The following DLC1 variants were observed in gnomAD, a reference collection of about 807,000 sequenced individuals.
The protein encoded by DLC1 is DLC1 Rho GTPase activating protein.
DLC1 carries 54 observed loss-of-function variants against 140.3 expected under a neutral mutation model. The ratio of observed to expected loss-of-function variants is 0.38; its 90% CI spans 0.31 to 0.48. The LOEUF (loss-of-function observed/expected upper bound fraction) is 0.48, where lower values mean the gene tolerates loss of function less well. DLC1 is among the 20% of genes least tolerant of loss of function. The pLI, the probability that DLC1 is intolerant of heterozygous loss-of-function variation, is 0.96. For synonymous variants in DLC1, 986 were observed against 728.1 expected, an observed-to-expected ratio of 1.35 and a Z score of -5.70; for missense variants, 2,536 against 1,907.0, an observed-to-expected ratio of 1.33 and a Z score of -6.14.
chr8:13,357,370 A>T (rs1040804852), intron 4 of DLC1, among the ~76,000 whole-genome samples: 4 of 152,226 alleles, frequency 2.6e-5, no homozygotes, highest in African/African-American at 7.2e-5. Flanking sequence ...AAACTGTTTT[A>T]TATGTCTTTG....
At chr8:13,597,246 C>T (rs528896323) in intron 1 of DLC1, among the ~76,000 whole-genome samples, 2 of 151,992 alleles carry the variant, frequency 1.3e-5, no homozygotes, top group African/African-American at 2.4e-5. Context: ...GATTTGTCAG[C>T]TTATATCTCA....
intron 1 of DLC1, among the ~76,000 whole-genome samples, chr8:13,569,027 G>T (rs1353797709): frequency 6.6e-6 from 1 of 152,186 alleles, no homozygotes. Context: ...CATTTTGGTC[G>T]TGAAGATTTT....
chr8:13,248,766 T>C (rs1326090142), intron 5 of DLC1, among the ~76,000 whole-genome samples: 3 of 152,198 alleles, frequency 2.0e-5, no homozygotes, highest in Admixed American at 6.5e-5. Flanking sequence ...AGTCTTTTAC[T>C]CTTGAACACG....
chr8:13,580,565 C>T (rs1805060647), intron 1 of DLC1, among the ~76,000 whole-genome samples: 1 of 152,096 alleles, frequency 6.6e-6, no homozygotes, highest in South Asian at 2.1e-4. Context: ...CTCACTGTGC[C>T]CATCCCTGAA....
chr8:13,104,170 T>C (rs1360075169), intron 7 of DLC1, among the ~76,000 whole-genome samples: 1 of 152,072 alleles, frequency 6.6e-6, no homozygotes, highest in African/African-American at 2.4e-5. Context: ...ATTTAAAGAA[T>C]TTGCGTACTG....
At chr8:13,502,848 A>G (rs140279103) in intron 1 of DLC1, among the ~76,000 whole-genome samples, 1 of 152,222 alleles carries the variant, frequency 6.6e-6, no homozygotes, top group Admixed American at 6.5e-5. Flanking sequence ...GGAAAATTGT[A>G]GGTCATTTCA....
intron 8 of DLC1, among the ~76,000 whole-genome samples, chr8:13,102,439 G>T (rs1178142873): frequency 1.3e-5 from 2 of 152,156 alleles, no homozygotes; most frequent in African/African-American, 2.4e-5. Flanking sequence ...GAAGACAGAA[G>T]AGTTGGAAAT....
At chr8:13,518,735 A>G (rs893805350), upstream of DLC1, among the ~76,000 whole-genome samples, 1 of 152,234 alleles carries the variant, frequency 6.6e-6, no homozygotes, top group Non-Finnish European at 1.5e-5. Flanking sequence ...ACTTGAAATT[A>G]ATATATAAAG....
At chr8:13,243,394 G>C (rs1829626007) in intron 5 of DLC1, among the ~76,000 whole-genome samples, 1 of 151,176 alleles carries the variant, frequency 6.6e-6, no homozygotes, top group Non-Finnish European at 1.5e-5. Context: ...TGCCGTGATT[G>C]TGAGTTTCCT....
chr8:13,263,467 T>C (rs1324870192), intron 5 of DLC1, among the ~76,000 whole-genome samples: 2 of 152,030 alleles, frequency 1.3e-5, no homozygotes, highest in East Asian at 3.9e-4. Flanking sequence ...AAGAGAAATA[T>C]TACTTATTAC....
intron 1 of DLC1, among the ~76,000 whole-genome samples, chr8:13,602,320 C>T (rs962393992): frequency 1.3e-5 from 2 of 151,640 alleles, no homozygotes; most frequent in Non-Finnish European, 3.0e-5. Flanking sequence ...TATTTGGATG[C>T]TGATTTAAAT....
chr8:13,170,889 G>A (rs958128246), intron 5 of DLC1, among the ~76,000 whole-genome samples: 1 of 152,086 alleles, frequency 6.6e-6, no homozygotes, highest in African/African-American at 2.4e-5. Flanking sequence ...TTTAACCTGG[G>A]TAGTTAGCCT....
chr8:13,479,844 G>GGA (rs1800619832), intron 2 of DLC1, among the ~76,000 whole-genome samples: 1 of 15,266 alleles, frequency 6.6e-5, no homozygotes, highest in African/African-American at 1.4e-4. Context: ...AGAAGAAGAA[G>GGA]AAGAAGAAGA....
chr8:13,419,023 A>C (rs202031047), intron 2 of DLC1, among the ~76,000 whole-genome samples: 2 of 150,348 alleles, frequency 1.3e-5, no homozygotes, highest in Non-Finnish European at 3.0e-5. Flanking sequence ...TTTGTCTGTT[A>C]TTGGTGTATA....
chr8:13,256,880 A>T (rs1452144984), intron 5 of DLC1, among the ~76,000 whole-genome samples: 4 of 93,174 alleles, frequency 4.3e-5, no homozygotes, highest in Admixed American at 2.0e-4. Context: ...CCCAGAACTT[A>T]AAAAAAAAAA....
intron 5 of DLC1, among the ~76,000 whole-genome samples, chr8:13,185,828 G>T (rs1469922802): frequency 1.3e-5 from 2 of 152,166 alleles, no homozygotes; most frequent in Non-Finnish European, 2.9e-5. Flanking sequence ...AGGAGCTCTT[G>T]TAAGGCAGGC....
chr8:13,187,860 T>C (rs938854478), intron 5 of DLC1, among the ~76,000 whole-genome samples: 2 of 152,186 alleles, frequency 1.3e-5, no homozygotes, highest in African/African-American at 4.8e-5. Context: ...TCCCCAACCC[T>C]CTAGCACCAG....
chr8:13,306,105 G>A (rs1274955122), intron 4 of DLC1, among the ~76,000 whole-genome samples: 2 of 152,078 alleles, frequency 1.3e-5, no homozygotes, highest in African/African-American at 4.8e-5. Context: ...AGAACTAAAG[G>A]AAGCAGCCTC....
At chr8:13,239,459 C>A (rs1300514469) in intron 5 of DLC1, among the ~76,000 whole-genome samples, 2 of 152,082 alleles carry the variant, frequency 1.3e-5, no homozygotes, top group African/African-American at 4.8e-5. Context: ...TTCCTCATTC[C>A]ATCCTTTAGA....
Sources: allele counts gnomAD v4.1 joint callset (sites outside exome capture counted in the v4.1 genomes callset), GRCh38; gene constraint gnomAD v4.1.1; transcripts MANE v1.5; gene names NCBI Gene and HGNC (gene_info 2026-07-23, HGNC 2026-07-21).